Variants in SLC17A6 observed in about 807,000 individuals in gnomAD.
SLC17A6 encodes the protein vesicular glutamate transporter 2.
In SLC17A6, 35 loss-of-function variants were observed where a neutral mutation model predicts 67.1. The ratio of observed to expected loss-of-function variants is 0.52; its 90% confidence interval spans 0.40 to 0.69. The LOEUF (loss-of-function observed/expected upper bound fraction) is 0.69. Among genes scored for constraint, SLC17A6 ranks in the 30% least tolerant of loss-of-function variants. The pLI is 0.00. For synonymous variants in SLC17A6, 285 were observed against 252.3 expected, an observed-to-expected ratio of 1.13 and a Z score of -1.23; for missense variants, 588 against 723.9, an observed-to-expected ratio of 0.81 and a Z score of 2.15.
intron 7 of SLC17A6, among the ~76,000 whole-genome samples, chr11:22,367,648 G>C (rs1034904602): frequency 7.2e-5 from 11 of 152,074 alleles, no homozygotes; most frequent in African/African-American, 2.7e-4. Context: ...AATTCATTAT[G>C]TTCTTTTATT....
chr11:22,364,803 G>A (rs1043844103), intron 6 of SLC17A6, among the ~76,000 whole-genome samples: 9 of 151,978 alleles, frequency 5.9e-5, no homozygotes, highest in Non-Finnish European at 8.8e-5. Context: ...GATTTATATC[G>A]CACAAAAAGG....
intron 7 of SLC17A6, among the ~76,000 whole-genome samples, chr11:22,366,743 G>T (rs913809621): frequency 6.6e-6 from 1 of 151,974 alleles, no homozygotes; most frequent in Non-Finnish European, 1.5e-5. Flanking sequence ...GGTGGCTCAC[G>T]CCTGTAATCC....
chr11:22,370,965 C>G (rs527281403), intron 8 of SLC17A6, among the ~76,000 whole-genome samples: 1 of 152,178 alleles, frequency 6.6e-6, no homozygotes, highest in African/African-American at 2.4e-5. Context: ...TCATGAACAA[C>G]CTTTGTTGTT....
intron 3 of SLC17A6, among the ~76,000 whole-genome samples, chr11:22,358,794 A>G (rs142101654): frequency 5.7e-4 from 87 of 152,318 alleles, no homozygotes; most frequent in African/African-American, 1.9e-3. Context: ...AACCTGAGAG[A>G]GATATACTAA....
At position 22,343,279 on chromosome 11, in the gene SLC17A6, G is replaced by C; in HGVS notation, c.372G>C (p.Val124=). The C allele has an allele frequency of 6.2e-7, 1 of 1,612,842 alleles. No individual in the cohort carries two copies. Among genetic ancestry groups the C allele is most frequent in the Non-Finnish European group, 8.5e-7 (1 of 1,179,698 alleles). Residue 124 remains valine, a synonymous_variant, in exon 3 of 12, where the codon GTG becomes GTC. Coordinates refer to ENST00000263160, the MANE Select transcript of SLC17A6 (RefSeq NM_020346.3). ...AATTCAACTGGGACCCGGAAACCGT[G>C]GGGATGATCCACGGTTCCTTCTTTT... is the stretch of plus-strand genomic sequence containing the variant. ...KAKFNWDPET[V]GMIHGSFFWG...
intron 5 of SLC17A6, chr11:22,362,309 T>G (rs927037400): frequency 2.7e-5 from 10 of 368,078 alleles, no homozygotes; most frequent in Middle Eastern, 8.3e-4. Flanking sequence ...AGAAAAACAA[T>G]TAAAATGAAG....
chr11:22,343,421 G>C, intron 3 of SLC17A6, 56 bp downstream of exon 3: 1 of 1,454,774 alleles, frequency 6.9e-7, no homozygotes, highest in Non-Finnish European at 9.4e-7. Flanking sequence ...CCTCCGAAGG[G>C]GCAGCAGAAG....
chr11:22,377,333 C>A, intron 11 of SLC17A6, 72 bp from the exon 12 acceptor site: 1 of 1,333,510 alleles, frequency 7.5e-7, no homozygotes, highest in Non-Finnish European at 1.0e-6. Context: ...AGTGGTGGTG[C>A]ATTCAGAGAA....
intron 8 of SLC17A6, among the ~76,000 whole-genome samples, chr11:22,374,018 G>T (rs1361129485): frequency 6.6e-6 from 1 of 152,110 alleles, no homozygotes; most frequent in African/African-American, 2.4e-5. Context: ...TTAAGTCCAC[G>T]TATGCGGTAA....
At position 22,374,833 on chromosome 11, in the gene SLC17A6, A is replaced by T. The variant is rs752309068; in HGVS notation, c.1120A>T (p.Arg374Ter). Residue 374 changes from arginine to a stop codon, truncating the protein, a stop_gained, in exon 9 of 12, where the codon AGA (arginine) becomes TGA (stop). Coordinates refer to ENST00000263160, the MANE Select transcript of SLC17A6 (RefSeq NM_020346.3). LOFTEE classifies it high-confidence loss of function. ...TGGGGGACAAATTGCAGATTTTCTA[A>T]GAAGCAAGCAGATTCTTTCAACTAC... ...PIGGQIADFL[R>*]SKQILSTTTV... The T allele has an allele frequency of 6.2e-7, 1 of 1,613,856 alleles. No homozygotes were observed.
intron 7 of SLC17A6, among the ~76,000 whole-genome samples, chr11:22,366,507 G>A (rs1249794716): frequency 1.3e-5 from 2 of 151,910 alleles, no homozygotes; most frequent in Non-Finnish European, 2.9e-5. Context: ...TATCTTTCAG[G>A]ATTATTACTA....
chr11:22,364,566 G>A (rs999946220), intron 6 of SLC17A6, among the ~76,000 whole-genome samples: 1 of 152,012 alleles, frequency 6.6e-6, no homozygotes, highest in African/African-American at 2.4e-5. Context: ...CATGTTTACT[G>A]CAATGTTCAG....
intron 3 of SLC17A6, among the ~76,000 whole-genome samples, chr11:22,353,953 A>T (rs1855970507): frequency 6.6e-6 from 1 of 152,230 alleles, no homozygotes; most frequent in Non-Finnish European, 1.5e-5. Context: ...AGAAATGCAA[A>T]TTCTCAGGCC....
chr11:22,375,530 G>C (rs1271101063), intron 9 of SLC17A6, among the ~76,000 whole-genome samples: 1 of 151,810 alleles, frequency 6.6e-6, no homozygotes, highest in East Asian at 1.9e-4. Context: ...GCCCAGGCTG[G>C]AGTGCGATGG....
At chr11:22,368,470 A>C (rs1856137762) in intron 7 of SLC17A6, among the ~76,000 whole-genome samples, 1 of 152,058 alleles carries the variant, frequency 6.6e-6, no homozygotes, top group African/African-American at 2.4e-5. Context: ...AATAAATAGA[A>C]CATTATCAGA....
intron 3 of SLC17A6, among the ~76,000 whole-genome samples, chr11:22,353,361 A>G (rs984872967): frequency 6.6e-6 from 1 of 152,174 alleles, no homozygotes; most frequent in African/African-American, 2.4e-5. Context: ...ACAAAACAAA[A>G]CAAAACAAAA....
chr11:22,345,675 C>T (rs1562446), intron 3 of SLC17A6, among the ~76,000 whole-genome samples: 5,788 of 152,112 alleles, frequency 0.038, 357 homozygotes, highest in East Asian at 0.29. Context: ...GATCAACTAC[C>T]TTATCTTGCC....
chr11:22,342,723 T>A (rs1855831533), intron 2 of SLC17A6, among the ~76,000 whole-genome samples: 1 of 152,190 alleles, frequency 6.6e-6, no homozygotes, highest in Non-Finnish European at 1.5e-5. Flanking sequence ...TTCAGGCCCA[T>A]ATCCGTCCCC....
At chr11:22,367,711 A>G (rs1363742248) in intron 7 of SLC17A6, among the ~76,000 whole-genome samples, 3 of 152,236 alleles carry the variant, frequency 2.0e-5, no homozygotes, top group African/African-American at 7.2e-5. Context: ...TTTAAAAATA[A>G]TCAGAAATTC....
Sources: allele counts gnomAD v4.1 joint callset (sites outside exome capture counted in the v4.1 genomes callset), GRCh38; gene constraint gnomAD v4.1.1; transcripts MANE v1.5; gene names NCBI Gene and HGNC (gene_info 2026-07-23, HGNC 2026-07-21).